Variants in CD2AP observed in about 807,000 individuals in gnomAD.
CD2AP encodes the protein CD2-associated protein.
In CD2AP, 46 loss-of-function variants were observed where a neutral mutation model predicts 85.1. That is an observed-to-expected ratio of 0.54 (90% CI 0.43 to 0.69). CD2AP has a LOEUF of 0.69. Among genes scored for constraint, CD2AP ranks in the 30% least tolerant of loss-of-function variants. CD2AP has a pLI of 0.00. For missense variants in CD2AP, 769 were observed against 729.5 expected, an observed-to-expected ratio of 1.05 and a Z score of -0.62; for synonymous variants, 255 against 252.9, an observed-to-expected ratio of 1.01 and a Z score of -0.08.
At position 47,538,344 on chromosome 6, in the gene CD2AP, C is replaced by T. The variant is rs1271024527; in HGVS notation, c.319+4589C>T. Among the ~76,000 whole-genome samples, 4 of 152,166 alleles carry T rather than the reference C, an allele frequency of 2.6e-5. No homozygotes were observed. In the South Asian group the frequency reaches 6.2e-4, roughly 24 times the overall value. ...GCACCCTTCGCCTTCCAGGTTCAAC[C>T]GATTCTCCTGCCCCAACGTCCCAAG... On this transcript the variant is annotated intron_variant, in intron 3 of 17. Coordinates refer to ENST00000359314, the MANE Select transcript of CD2AP (RefSeq NM_012120.3).
intron 17 of CD2AP, among the ~76,000 whole-genome samples, chr6:47,622,059 G>GTT (rs1388981745): frequency 6.6e-6 from 1 of 152,212 alleles, no homozygotes; most frequent in East Asian, 1.9e-4. Flanking sequence ...CCAGGTCACT[G>GTT]GAGTTGTGTA....
In CD2AP at chr6:47,609,250, G is replaced by A; in HGVS notation, c.1760G>A (p.Arg587Lys). Residue 587 changes from arginine (R) to lysine (K), a missense_variant, in exon 16 of 18, where the codon AGA becomes AAA. By Grantham distance (26) the Arg-to-Lys change is conservative (BLOSUM62 2). Transcript: ENST00000359314. ...DVKKNSLDEL[R>K]AQIIELLCIV... is the part of the protein sequence containing the mutation. ...AAAAAAAATTCCCTGGATGAACTTA[G>A]AGCCCAGATTATTGAATTGTTGTGC... The A allele has an allele frequency of 6.2e-7, 1 of 1,613,656 alleles. No individual in the cohort carries two copies. The highest frequency in any genetic ancestry group is 1.3e-5 in the African/African-American group (1 of 75,008).
chr6:47,590,053 A>G (rs993222251), intron 11 of CD2AP, among the ~76,000 whole-genome samples: 7 of 152,086 alleles, frequency 4.6e-5, no homozygotes, highest in Non-Finnish European at 8.8e-5. Context: ...AATTATCTCT[A>G]TGTTTTCCTG....
chr6:47,615,341 T>C (rs1561834558), intron 17 of CD2AP, among the ~76,000 whole-genome samples: 1 of 152,196 alleles, frequency 6.6e-6, no homozygotes, highest in East Asian at 1.9e-4. Flanking sequence ...TAGGCTACTC[T>C]TGCATTGCTA....
At chr6:47,510,012 C>A (rs112532162) in intron 2 of CD2AP, among the ~76,000 whole-genome samples, 8 of 152,184 alleles carry the variant, frequency 5.3e-5, no homozygotes, top group African/African-American at 1.9e-4. Context: ...ATAAATTTTT[C>A]TTTCCTGTTT....
At chr6:47,480,492 C>T (rs1765415043) in intron 1 of CD2AP, among the ~76,000 whole-genome samples, 1 of 152,146 alleles carries the variant, frequency 6.6e-6, no homozygotes. Context: ...GAGTTAAAAG[C>T]ATGGGCTCTG....
At chr6:47,548,572 A>C (rs1360506216) in intron 4 of CD2AP, among the ~76,000 whole-genome samples, 5 of 152,126 alleles carry the variant, frequency 3.3e-5, no homozygotes, top group Admixed American at 1.3e-4. Flanking sequence ...AAAATTACCA[A>C]CAACAACAAA....
rs1004104047 is a variant in CD2AP at position 47,581,992 on chromosome 6, T to G, written c.1046-11T>G. ...GTCTTCTTAAAAAAGTATTAATGTT[T>G]TTTCCCATAGCTCCAAAGCCTGAAC... On this transcript the variant is annotated splice_polypyrimidine_tract_variant and intron_variant, in intron 10 of 17. Transcript: ENST00000359314. 3 of 1,583,218 alleles carry G rather than the reference T, an allele frequency of 1.9e-6. No individual in the cohort carries two copies. The highest frequency in any genetic ancestry group is 1.7e-5 in the Admixed American group (1 of 59,952).
intron 1 of CD2AP, among the ~76,000 whole-genome samples, chr6:47,496,703 T>C (rs572797984): frequency 7.2e-5 from 11 of 152,226 alleles, no homozygotes; most frequent in Non-Finnish European, 1.6e-4. Flanking sequence ...TGTTCTCTGC[T>C]TCTATTCTCA....
At chr6:47,574,728 A>G (rs1203042443) in intron 6 of CD2AP, among the ~76,000 whole-genome samples, 1 of 151,940 alleles carries the variant, frequency 6.6e-6, no homozygotes, top group African/African-American at 2.4e-5. Flanking sequence ...AAATTTACTA[A>G]ACTTCTTTGA....
rs545416064 is a variant in CD2AP, at chr6:47,553,449, TG to T, written c.421-1196del. Among the ~76,000 whole-genome samples the T allele has an allele frequency of 7.1e-4, 107 of 151,234 alleles. 1 individual carries two copies. In the Middle Eastern group the frequency reaches 0.014, roughly 19 times the overall value. ...GCAACCTCCGCTTCCCAGGTTCAAC[TG>T]ATTCTCCTGCCTCAGCTTCCCAGCT... On this transcript the variant is annotated intron_variant, in intron 4 of 17. Coordinates refer to ENST00000359314, the MANE Select transcript of CD2AP (RefSeq NM_012120.3).
intron 2 of CD2AP, among the ~76,000 whole-genome samples, chr6:47,508,326 A>G (rs1351513588): frequency 6.6e-6 from 1 of 152,184 alleles, no homozygotes; most frequent in Non-Finnish European, 1.5e-5. Flanking sequence ...TAGCTGCTTC[A>G]TCTTGCACTA....
intron 2 of CD2AP, among the ~76,000 whole-genome samples, chr6:47,530,632 C>T (rs1766849341): frequency 6.6e-6 from 1 of 152,024 alleles, no homozygotes; most frequent in Non-Finnish European, 1.5e-5. Context: ...ATTTTAACTG[C>T]CTGGTTATTT....
chr6:47,521,445 G>A (rs577061929), intron 2 of CD2AP, among the ~76,000 whole-genome samples: 1 of 152,036 alleles, frequency 6.6e-6, no homozygotes, highest in African/African-American at 2.4e-5. Context: ...CCAGCTACTC[G>A]GGAGGCTGAG....
chr6:47,531,639 C>G (rs1348245324), intron 2 of CD2AP, among the ~76,000 whole-genome samples: 1 of 151,768 alleles, frequency 6.6e-6, no homozygotes, highest in Non-Finnish European at 1.5e-5. Context: ...TGATAGGTTA[C>G]CAGTACTCTT....
intron 5 of CD2AP, among the ~76,000 whole-genome samples, chr6:47,563,813 T>C (rs1767924260): frequency 6.6e-6 from 1 of 152,214 alleles, no homozygotes; most frequent in South Asian, 2.1e-4. Context: ...CATTTTTAAG[T>C]GTTCTTCCAC....
chr6:47,549,207 A>G (rs902980452), intron 4 of CD2AP, among the ~76,000 whole-genome samples: 5 of 152,312 alleles, frequency 3.3e-5, no homozygotes, highest in Admixed American at 2.6e-4. Flanking sequence ...AGCCAGAGCA[A>G]TTAGACAAGA....
At chr6:47,603,043 A>G (rs1000774249) in intron 13 of CD2AP, among the ~76,000 whole-genome samples, 9 of 152,064 alleles carry the variant, frequency 5.9e-5, no homozygotes, top group Non-Finnish European at 4.4e-5. Flanking sequence ...TACTTTTCCA[A>G]TATTTCTCAT....
At chr6:47,559,396 C>T (rs1175958134) in intron 5 of CD2AP, among the ~76,000 whole-genome samples, 5 of 151,534 alleles carry the variant, frequency 3.3e-5, no homozygotes, top group Admixed American at 3.3e-4. Context: ...GTAGCTGGGA[C>T]TGTAGGTATG....
Sources: allele counts gnomAD v4.1 joint callset (sites outside exome capture counted in the v4.1 genomes callset), GRCh38; gene constraint gnomAD v4.1.1; transcripts MANE v1.5; gene names NCBI Gene and HGNC (gene_info 2026-07-23, HGNC 2026-07-21).